The following ACER3 variants were observed in gnomAD, a reference collection of about 807,000 sequenced individuals.
ACER3 encodes the protein alkCDase 3.
ACER3 carries 16 observed loss-of-function variants against 48.9 expected under a neutral mutation model. The ratio of observed to expected loss-of-function variants is 0.33; its 90% CI spans 0.22 to 0.50. The LOEUF is 0.50. Ranked by LOEUF, ACER3 falls within the 20% of genes least tolerant of loss-of-function variation. The probability of loss-of-function intolerance (pLI) is 0.98; values close to 1 mark genes in which losing one functional copy is unlikely to be tolerated. For missense variants in ACER3, 227 were observed against 326.0 expected, an observed-to-expected ratio of 0.70 and a Z score of 2.34; for synonymous variants, 109 against 107.8, an observed-to-expected ratio of 1.01 and a Z score of -0.07.
At chr11:76,867,136 A>ATAAAT (rs1945110728) in intron 1 of ACER3, among the ~76,000 whole-genome samples, 1 of 152,206 alleles carries the variant, frequency 6.6e-6, no homozygotes, top group Non-Finnish European at 1.5e-5. Context: ...GTCACTGACT[A>ATAAAT]AGGCTATAAA....
At chr11:76,886,782 G>A (rs2134600533) in intron 1 of ACER3, among the ~76,000 whole-genome samples, 1 of 152,252 alleles carries the variant, frequency 6.6e-6, no homozygotes, top group Non-Finnish European at 1.5e-5. Flanking sequence ...CTTGGTTCAA[G>A]CGATTCTTTT....
intron 2 of ACER3, among the ~76,000 whole-genome samples, chr11:76,936,932 A>C (rs918386575): frequency 1.3e-5 from 2 of 151,902 alleles, no homozygotes; most frequent in South Asian, 4.2e-4. Flanking sequence ...GGCCAGGCTG[A>C]TCTTGAACTC....
intron 1 of ACER3, among the ~76,000 whole-genome samples, chr11:76,913,024 G>A (rs1339238630): frequency 6.6e-6 from 1 of 152,112 alleles, no homozygotes; most frequent in Non-Finnish European, 1.5e-5. Context: ...GAGACCTGAA[G>A]GTCCAAGAGA....
At chr11:76,903,042 T>C (rs1296174166) in intron 1 of ACER3, among the ~76,000 whole-genome samples, 1 of 152,230 alleles carries the variant, frequency 6.6e-6, no homozygotes, top group Admixed American at 6.5e-5. Context: ...AATGATAAAA[T>C]AGACTAGTAT....
At chr11:76,924,757 G>A (rs1463364879) in intron 1 of ACER3, among the ~76,000 whole-genome samples, 1 of 151,914 alleles carries the variant, frequency 6.6e-6, no homozygotes, top group Non-Finnish European at 1.5e-5. Flanking sequence ...TAAATAATGT[G>A]CACTGCTAAG....
intron 4 of ACER3, chr11:76,978,268 A>C (rs1227365973): frequency 6.6e-6 from 1 of 152,236 alleles, no homozygotes; most frequent in Non-Finnish European, 1.5e-5. Context: ...TGTGGCCCAG[A>C]GTGAGAACTT....
intron 1 of ACER3, among the ~76,000 whole-genome samples, chr11:76,913,181 G>A (rs1320343792): frequency 6.6e-6 from 1 of 151,982 alleles, no homozygotes; most frequent in East Asian, 1.9e-4. Flanking sequence ...GTCTGTTATT[G>A]GTGTATAAGA....
At chr11:76,950,352 CATATAT>C (rs774580764) in intron 2 of ACER3, among the ~76,000 whole-genome samples, 61 of 35,950 alleles carry the variant, frequency 1.7e-3, no homozygotes, top group East Asian at 6.2e-3. Context: ...GTGACATGAT[CATATAT>C]ATATATATAT....
At chr11:76,871,989 C>T (rs1474783819) in intron 1 of ACER3, among the ~76,000 whole-genome samples, 2 of 152,064 alleles carry the variant, frequency 1.3e-5, no homozygotes, top group African/African-American at 4.8e-5. Context: ...TGCCTGAACT[C>T]CAAAGAGTGT....
intron 1 of ACER3, among the ~76,000 whole-genome samples, chr11:76,900,158 G>A (rs1337745615): frequency 2.0e-5 from 3 of 152,102 alleles, no homozygotes; most frequent in South Asian, 2.1e-4. Context: ...GCAAAAGCCT[G>A]TCTCTAAGAA....
chr11:76,900,161 T>C (rs1039058052), intron 1 of ACER3, among the ~76,000 whole-genome samples: 1 of 152,088 alleles, frequency 6.6e-6, no homozygotes, highest in Non-Finnish European at 1.5e-5. Flanking sequence ...AAAGCCTGTC[T>C]CTAAGAAAAT....
chr11:76,960,347 C>T (rs988880286), intron 3 of ACER3, among the ~76,000 whole-genome samples: 4 of 151,742 alleles, frequency 2.6e-5, no homozygotes, highest in Non-Finnish European at 5.9e-5. Context: ...AGGCGGAGAT[C>T]GCAGTAAGCC....
intron 2 of ACER3, among the ~76,000 whole-genome samples, chr11:76,948,766 G>A (rs979466524): frequency 6.6e-6 from 1 of 152,094 alleles, no homozygotes; most frequent in Non-Finnish European, 1.5e-5. Flanking sequence ...TTTCTGTCAT[G>A]GCAAATAAGC....
rs1276091646 is a variant in ACER3 at position 76,867,482 on chromosome 11, AAAAAAAAAAAAAAAAG to A, written c.103+6407_103+6422del. Among the ~76,000 whole-genome samples, 186 of 125,658 alleles carry A rather than the reference AAAAAAAAAAAAAAAAG, an allele frequency of 1.5e-3. 3 individuals are homozygous for A. The highest frequency in any genetic ancestry group is 4.8e-3 in the African/African-American group (169 of 35,566). The allele number at this position is 125,658 out of a possible 152,430, so 82.4% of individuals were successfully genotyped here. ...AGACTCTGTCTCAAAAAAAAAAAAA[AAAAAAAAAAAAAAAAG>A]AAAGAAAAGTAGCTGAGAGGGCAGC... On this transcript the variant is annotated intron_variant, in intron 1 of 10. Transcript: ENST00000532485.
chr11:76,936,600 C>A (rs547980949), intron 2 of ACER3, among the ~76,000 whole-genome samples: 1 of 151,878 alleles, frequency 6.6e-6, no homozygotes, highest in Non-Finnish European at 1.5e-5. Flanking sequence ...AAAATAAAGT[C>A]GCTTTTGCAT....
intron 7 of ACER3, among the ~76,000 whole-genome samples, chr11:77,005,980 T>TGTATATTATATATATATAC (rs1949129713): frequency 2.5e-5 from 1 of 39,824 alleles, no homozygotes; most frequent in Non-Finnish European, 7.7e-5. Flanking sequence ...TACATATATA[T>TGTATATTATATATATATAC]ATATATATAT....
intron 7 of ACER3, 107 bp from the exon 8 acceptor site, chr11:77,014,909 G>C: frequency 1.4e-6 from 1 of 703,126 alleles, no homozygotes. Context: ...GGGCAACATA[G>C]TGAGATCCCA....
intron 1 of ACER3, among the ~76,000 whole-genome samples, chr11:76,914,764 C>T (rs1020939589): frequency 4.6e-5 from 7 of 152,100 alleles, no homozygotes; most frequent in Admixed American, 4.6e-4. Flanking sequence ...TGTTGTGGCA[C>T]TATTCACAAT....
At chr11:76,947,288 AG>A (rs1441927203) in intron 2 of ACER3, among the ~76,000 whole-genome samples, 2 of 152,306 alleles carry the variant, frequency 1.3e-5, no homozygotes, top group African/African-American at 4.8e-5. Context: ...CCAAGAGGAG[AG>A]GGTACACTGC....
Sources: allele counts gnomAD v4.1 joint callset (sites outside exome capture counted in the v4.1 genomes callset), GRCh38; gene constraint gnomAD v4.1.1; transcripts MANE v1.5; gene names NCBI Gene and HGNC (gene_info 2026-07-23, HGNC 2026-07-21).